OS9: variants seen among roughly 807,000 people sequenced by gnomAD.
OS9 encodes the protein OS9 endoplasmic reticulum lectin, also known as protein OS-9.
OS9 carries 58 observed loss-of-function variants against 84.7 expected under a neutral mutation model. The observed-to-expected ratio is 0.68, with a 90% CI of 0.55 to 0.85. The LOEUF (loss-of-function observed/expected upper bound fraction) is 0.85. Among genes scored for constraint, OS9 ranks in the 40% least tolerant of loss-of-function variants. OS9 has a pLI of 0.00. For missense variants in OS9, 760 were observed against 850.9 expected (o/e 0.89, Z 1.33); for synonymous variants, 278 against 320.8 (o/e 0.87, Z 1.43).
At chr12:57,702,016 T>C (rs746357993) in intron 5 of OS9, among the ~76,000 whole-genome samples, 35 of 152,036 alleles carry the variant, frequency 2.3e-4, no homozygotes, top group East Asian at 1.9e-4. Context: ...AGGCTGGTCT[T>C]GAACTCCTTA....
intron 5 of OS9, among the ~76,000 whole-genome samples, chr12:57,707,628 A>AC: frequency 6.6e-6 from 1 of 152,010 alleles, no homozygotes; most frequent in Admixed American, 6.6e-5. Context: ...CGAACTCCTG[A>AC]CCTCAGGTGA....
chr12:57,720,438 G>A lies in OS9; in HGVS notation c.1798G>A (p.Ala600Thr), dbSNP rs1005606455. The A allele has an allele frequency of 1.2e-6, 2 of 1,613,964 alleles. No individual in the cohort carries two copies. Among genetic ancestry groups the A allele is most frequent in the South Asian group, 1.1e-5 (1 of 91,086 alleles). ...TGAGATCAAAATTGTCCGCCCATGG[G>A]CTGAAGGGACTGAAGAGGGTGCACG... ...KIEIKIVRPWAEGTEEGARWL... is the reference protein window; with the variant it reads ...KIEIKIVRPWTEGTEEGARWL... Residue 600 changes from alanine to threonine, a missense_variant, in exon 14 of 15, where the codon GCT becomes ACT. Ala to Thr is a moderately conservative substitution (Grantham distance 58). Transcript: ENST00000315970.
At position 57,718,997 on chromosome 12, in the gene OS9, A is replaced by G. The variant is rs1270580756; in HGVS notation, c.1415A>G (p.Glu472Gly). ...CTCTTCTCTTGGGTATTCCAGACAG[A>G]GAAAGAGCTGGACCCAGATGGGCTG... ...RELENIIQET[E>G]KELDPDGLKK... Residue 472 changes from glutamate to glycine, a missense_variant, in exon 12 of 15, where the codon GAG (glutamate) becomes GGG (glycine). By Grantham distance (98) the Glu-to-Gly change is moderately conservative. Transcript: ENST00000315970. 1 of 1,612,760 alleles carries G rather than the reference A, an allele frequency of 6.2e-7. No homozygotes were observed. Among genetic ancestry groups the G allele is most frequent in the Non-Finnish European group, 8.5e-7 (1 of 1,179,436 alleles).
chr12:57,721,012 G>C lies in OS9; in HGVS notation c.*103G>C. ...TGGAACCCCTGAGGGCCAAACAGCA[G>C]AGTGGAGCTGAGCTGTGGACCTCTC... On this transcript the variant is annotated 3_prime_UTR_variant, in exon 15 of 15. Coordinates refer to ENST00000315970, the MANE Select transcript of OS9 (RefSeq NM_006812.4). The C allele has an allele frequency of 1.5e-6, 2 of 1,335,504 alleles. No homozygotes were observed. Among genetic ancestry groups the C allele is most frequent in the Non-Finnish European group, 2.1e-6 (2 of 945,736 alleles). The allele number at this position is 1,335,504 out of a possible 1,614,324, so 82.7% of individuals were successfully genotyped here.
At chr12:57,715,730 T>C (rs1954465469) in intron 5 of OS9, 30 bp from the exon 6 acceptor site, 1 of 1,480,726 alleles carries the variant, frequency 6.8e-7, no homozygotes, top group African/African-American at 1.4e-5. Context: ...TGTTGGTGAT[T>C]AAGTGTATTC....
chr12:57,710,144 G>A (rs1954286272), intron 5 of OS9, among the ~76,000 whole-genome samples: 1 of 152,194 alleles, frequency 6.6e-6, no homozygotes, highest in East Asian at 1.9e-4. Context: ...TGAGCCACCC[G>A]CACCTGGCTG....
Position 57,716,677 on chromosome 12 carries a change from C to A in OS9, c.994-16C>A. On this transcript the variant is annotated splice_polypyrimidine_tract_variant and intron_variant, in intron 8 of 14. Coordinates refer to ENST00000315970, the MANE Select transcript of OS9 (RefSeq NM_006812.4). The stretch of plus-strand genomic sequence containing the variant: ...ACAGGCTTTCATACTTGACTCTCTC[C>A]TTTTCTCCTCGTCAGGAGCAGGACC... 6.2e-7 allele frequency: 1 copy of A among 1,613,552 alleles called. No homozygotes were observed. The highest frequency in any genetic ancestry group is 1.1e-5 in the South Asian group (1 of 91,062).
chr12:57,707,665 C>G (rs1201630046), intron 5 of OS9, among the ~76,000 whole-genome samples: 3 of 152,184 alleles, frequency 2.0e-5, no homozygotes, highest in African/African-American at 7.2e-5. Flanking sequence ...TCCTAAAGTG[C>G]TGGGATTACA....
At chr12:57,694,689 G>A (rs1477280731) in intron 1 of OS9, 61 bp from the exon 2 acceptor site, 1 of 1,538,856 alleles carries the variant, frequency 6.5e-7, no homozygotes, top group South Asian at 1.1e-5. Flanking sequence ...GGATTTCGTT[G>A]TTCTCCCTGA....
rs372652703 is a variant in OS9 at position 57,720,537 on chromosome 12, C to G, written c.1878+19C>G. The G allele has an allele frequency of 7.8e-6, 12 of 1,537,462 alleles. No individual in the cohort carries two copies. Among genetic ancestry groups the G allele is most frequent in the Non-Finnish European group, 1.1e-5 (12 of 1,110,026 alleles). The stretch of plus-strand genomic sequence containing the variant: ...TATCTTGGTAAGAGGCTTCTACCCC[C>G]GAGTCCTGGCCCCCAGCCCTCCTGG... On this transcript the variant is annotated intron_variant, in intron 14 of 14. Transcript: ENST00000315970.
intron 5 of OS9, among the ~76,000 whole-genome samples, chr12:57,711,646 T>A (rs1169080963): frequency 6.6e-6 from 1 of 152,192 alleles, no homozygotes; most frequent in Non-Finnish European, 1.5e-5. Context: ...TGCCTGGCCC[T>A]TTTTTGTTTT....
chr12:57,703,515 T>C (rs1954082210), intron 5 of OS9, among the ~76,000 whole-genome samples: 1 of 152,238 alleles, frequency 6.6e-6, no homozygotes, highest in South Asian at 2.1e-4. Flanking sequence ...GACTGTCCTT[T>C]CCCCATGGAA....
At chr12:57,711,175 T>TACAAACACACAAAA (rs1954319493) in intron 5 of OS9, among the ~76,000 whole-genome samples, 1 of 152,002 alleles carries the variant, frequency 6.6e-6, no homozygotes, top group Non-Finnish European at 1.5e-5. Flanking sequence ...GCATGTATCC[T>TACAAACACACAAAA]TCCAGCCTTT....
rs535530329 is a variant in OS9 at position 57,720,549 on chromosome 12, C to T, written c.1878+31C>T. 12 of 1,507,836 alleles carry T rather than the reference C, an allele frequency of 8.0e-6. No homozygotes were observed. The East Asian group carries it at 9.0e-5, about 11-fold the overall frequency. 93.4% of individuals were successfully genotyped at this position (1,507,836 alleles called of 1,614,324 possible). On this transcript the variant is annotated intron_variant, in intron 14 of 14. Coordinates refer to ENST00000315970, the MANE Select transcript of OS9 (RefSeq NM_006812.4). ...AGGCTTCTACCCCCGAGTCCTGGCC[C>T]CCAGCCCTCCTGGAGTGGAGGTGCG...
chr12:57,697,122 G>A (rs1953871226), intron 5 of OS9, among the ~76,000 whole-genome samples: 1 of 152,238 alleles, frequency 6.6e-6, no homozygotes, highest in Non-Finnish European at 1.5e-5. Context: ...CTGCAGTTGT[G>A]TGCTGGTAAG....
intron 2 of OS9, chr12:57,695,480 A>G: frequency 3.4e-6 from 2 of 590,806 alleles, no homozygotes; most frequent in South Asian, 1.6e-5. Flanking sequence ...TAATTGCTTC[A>G]GGGATACCAT....
chr12:57,715,999 G>A (rs778664759), intron 6 of OS9, 29 bp downstream of exon 6: 28 of 1,602,906 alleles, frequency 1.7e-5, no homozygotes, highest in Non-Finnish European at 2.1e-5. Context: ...AGGAGAAGAC[G>A]GGGAGATACG....
intron 2 of OS9, 65 bp from the exon 3 acceptor site, chr12:57,695,715 G>A: frequency 1.0e-6 from 1 of 987,634 alleles, no homozygotes; most frequent in South Asian, 1.3e-5. Flanking sequence ...GGAGCCAGGA[G>A]ACTCTGGTTC....
intron 5 of OS9, among the ~76,000 whole-genome samples, chr12:57,699,120 T>C (rs982693729): frequency 2.6e-5 from 4 of 152,084 alleles, no homozygotes; most frequent in African/African-American, 7.2e-5. Flanking sequence ...CTTGTGCAGT[T>C]AGATAGAGGG....
Sources: gnomAD v4.1 joint callset for allele counts (sites outside exome capture counted in the v4.1 genomes callset) on GRCh38, gnomAD v4.1.1 for gene constraint, MANE v1.5 for transcripts, NCBI Gene and HGNC (gene_info 2026-07-23, HGNC 2026-07-21) for gene names.